DMD: variants seen among roughly 807,000 people sequenced by gnomAD.
DMD encodes dystrophin.
DMD carries 63 observed loss-of-function variants against 330.1 expected under a neutral mutation model. That is an observed-to-expected ratio of 0.19 (90% CI 0.16 to 0.24). The LOEUF is 0.24. Ranked by LOEUF, DMD falls within the 10% of genes least tolerant of loss-of-function variation. The probability of loss-of-function intolerance (pLI) is 1.00; values close to 1 mark genes in which losing one functional copy is unlikely to be tolerated. For missense variants in DMD, 3,344 were observed against 2,684.1 expected (o/e 1.25, Z -5.43); for synonymous variants, 1,223 against 959.8 (o/e 1.27, Z -5.07).
chrX:32,700,363 T>C lies in DMD; in HGVS notation c.650-1070A>G, dbSNP rs770748309. On this transcript the variant is annotated intron_variant, in intron 7 of 78. Coordinates refer to ENST00000357033, the MANE Select transcript of DMD (RefSeq NM_004006.3). ...TCACTAACACATGGAATCTAAAAAGTTGAATTCATAGAAGTAGAGAGTAGA... is the reference window on the plus strand; with the variant it reads ...TCACTAACACATGGAATCTAAAAAGCTGAATTCATAGAAGTAGAGAGTAGA... Among the ~76,000 whole-genome samples the C allele has an allele frequency of 2.7e-5, 3 of 110,976 alleles. No individual in the cohort carries two copies. In the South Asian group the frequency reaches 1.1e-3, roughly 42 times the overall value.
At chrX:32,107,105 A>G (rs949825924) in intron 44 of DMD, among the ~76,000 whole-genome samples, 7 of 111,008 alleles carry the variant, frequency 6.3e-5, no homozygotes, top group South Asian at 7.6e-4. Context: ...GATCTTAGGT[A>G]CCACGTTCCT....
At chrX:32,179,661 T>C (rs5971613) in intron 44 of DMD, among the ~76,000 whole-genome samples, 38,234 of 111,007 alleles carry the variant, frequency 0.34, 4,866 homozygotes, top group East Asian at 0.5. Flanking sequence ...TGTGTCCCCA[T>C]CCAAATCTCA....
chrX:32,652,309 C>A (rs1200893592), intron 9 of DMD, among the ~76,000 whole-genome samples: 1 of 78,546 alleles, frequency 1.3e-5, no homozygotes, highest in African/African-American at 4.9e-5. Flanking sequence ...ACTACGGGAC[C>A]CAGTGTGTGA....
intron 42 of DMD, among the ~76,000 whole-genome samples, chrX:32,297,818 G>T (rs975105356): frequency 1.8e-5 from 2 of 111,303 alleles, no homozygotes; most frequent in African/African-American, 3.3e-5. Context: ...TACCAGGAAG[G>T]CAGTTTTTAA....
intron 62 of DMD, chrX:31,266,906 G>A: frequency 4.2e-6 from 5 of 1,178,607 alleles, no homozygotes; most frequent in Non-Finnish European, 5.7e-6. Context: ...CTCCCCGAAA[G>A]TGGAGCGCCG....
At chrX:32,291,390 C>G (rs1260090494) in intron 42 of DMD, among the ~76,000 whole-genome samples, 1 of 112,026 alleles carries the variant, frequency 8.9e-6, no homozygotes, top group Non-Finnish European at 1.9e-5. Flanking sequence ...CAGCATTTTT[C>G]TCTTGCTGAA....
intron 60 of DMD, among the ~76,000 whole-genome samples, chrX:31,428,174 G>A (rs2063818013): frequency 1.8e-5 from 2 of 111,728 alleles, no homozygotes; most frequent in South Asian, 3.8e-4. Flanking sequence ...TTGGATGTGG[G>A]GCCCGGTGGG....
intron 12 of DMD, among the ~76,000 whole-genome samples, chrX:32,596,300 GA>G (rs11374896): frequency 8.2e-4 from 79 of 96,325 alleles, no homozygotes; most frequent in Admixed American, 5.7e-4. Context: ...CCTCTTCACT[GA>G]AAAAAAAAAA....
intron 44 of DMD, among the ~76,000 whole-genome samples, chrX:32,089,756 C>T (rs1264766465): frequency 8.9e-6 from 1 of 111,923 alleles, no homozygotes; most frequent in Non-Finnish European, 1.9e-5. Flanking sequence ...ACATACACAA[C>T]GTGCATATGT....
At chrX:31,296,552 T>C (rs972798133) in intron 62 of DMD, among the ~76,000 whole-genome samples, 1 of 111,694 alleles carries the variant, frequency 9.0e-6, no homozygotes, top group Non-Finnish European at 1.9e-5. Flanking sequence ...GAGTCTCTGA[T>C]TTCTAGCACA....
At chrX:33,235,511 T>C (rs999013313) in intron 1 of DMD, among the ~76,000 whole-genome samples, 1 of 112,357 alleles carries the variant, frequency 8.9e-6, no homozygotes, top group Non-Finnish European at 1.9e-5. Flanking sequence ...GTTTTTTAAT[T>C]TGTTAGTCCT....
intron 16 of DMD, among the ~76,000 whole-genome samples, chrX:32,550,301 G>A (rs758849855): frequency 1.8e-5 from 2 of 111,990 alleles, no homozygotes; most frequent in Non-Finnish European, 3.8e-5. Flanking sequence ...TTGGACCACA[G>A]TGCAATAAAA....
intron 2 of DMD, among the ~76,000 whole-genome samples, chrX:32,946,484 T>C (rs913272721): frequency 1.8e-5 from 2 of 111,992 alleles, no homozygotes; most frequent in African/African-American, 6.5e-5. Context: ...TATCTGTCTA[T>C]AAAAATCTAA....
At chrX:32,684,607 T>G (rs911778595) in intron 9 of DMD, among the ~76,000 whole-genome samples, 2 of 111,819 alleles carry the variant, frequency 1.8e-5, no homozygotes, top group Non-Finnish European at 3.8e-5. Flanking sequence ...TGTTTCCTGT[T>G]TCTTTATGTT....
chrX:31,785,957 T>C (rs2091275158), intron 50 of DMD, among the ~76,000 whole-genome samples: 1 of 111,966 alleles, frequency 8.9e-6, no homozygotes, highest in African/African-American at 3.2e-5. Flanking sequence ...ATCCTTTGGG[T>C]ATATACCCAG....
intron 9 of DMD, among the ~76,000 whole-genome samples, chrX:32,648,208 A>C (rs1289395742): frequency 8.9e-6 from 1 of 112,135 alleles, no homozygotes; most frequent in Non-Finnish European, 1.9e-5. Flanking sequence ...TTGTCTGAGG[A>C]TGTGCATAAA....
chrX:31,565,284 C>T (rs1326767270), intron 55 of DMD, among the ~76,000 whole-genome samples: 1 of 111,177 alleles, frequency 9.0e-6, no homozygotes, highest in Non-Finnish European at 1.9e-5. Flanking sequence ...ACATCCATCT[C>T]TCTCTCTCTC....
intron 45 of DMD, among the ~76,000 whole-genome samples, chrX:31,948,199 G>A (rs1324254487): frequency 9.0e-6 from 1 of 111,199 alleles, no homozygotes; most frequent in African/African-American, 3.3e-5. Flanking sequence ...ATGGCAGGAC[G>A]TCCTTCCCTT....
intron 4 of DMD, 110 bp from the exon 5 acceptor site, chrX:32,823,497 T>A: frequency 1.8e-6 from 1 of 558,719 alleles, no homozygotes; most frequent in Admixed American, 2.9e-5. Flanking sequence ...TTTCAGAGAC[T>A]TAGCATTGAA....
Sources: gnomAD v4.1 joint callset for allele counts (sites outside exome capture counted in the v4.1 genomes callset) on GRCh38, gnomAD v4.1.1 for gene constraint, MANE v1.5 for transcripts, NCBI Gene and HGNC (gene_info 2026-07-23, HGNC 2026-07-21) for gene names.